The following PCBP3 variants were observed in gnomAD, a reference collection of about 807,000 sequenced individuals.
PCBP3 encodes poly(rC) binding protein 3, also known as poly(rC)-binding protein 3.
A neutral mutation model predicts 52.7 loss-of-function variants in PCBP3; 25 were observed. That is an observed-to-expected ratio of 0.47 (90% CI 0.35 to 0.66). PCBP3 has a LOEUF of 0.66. Among genes scored for constraint, PCBP3 ranks in the 30% least tolerant of loss-of-function variants. The pLI is 0.01. For missense variants in PCBP3, 391 were observed against 490.3 expected (o/e 0.80, Z 1.91); for synonymous variants, 162 against 183.0 (o/e 0.89, Z 0.93).
chr21:45,863,550 CA>C (rs1489608798), intron 5 of PCBP3, among the ~76,000 whole-genome samples: 3 of 152,256 alleles, frequency 2.0e-5, no homozygotes, highest in South Asian at 4.1e-4. Flanking sequence ...GGGAGCTGGG[CA>C]AAAAGTGGGT....
At chr21:45,825,391 C>T (rs1050723878) in intron 4 of PCBP3, among the ~76,000 whole-genome samples, 3 of 152,144 alleles carry the variant, frequency 2.0e-5, no homozygotes, top group Admixed American at 2.0e-4. Flanking sequence ...GGAGAGTGTC[C>T]CCGCCGCCGT....
At chr21:45,915,985 G>C (rs1051210691) in intron 12 of PCBP3, 1 of 152,290 alleles carries the variant, frequency 6.6e-6, no homozygotes, top group Non-Finnish European at 1.5e-5. Context: ...GAGAAATCAG[G>C]GACCTGGAAG....
chr21:45,895,604 G>T (rs1353343465), intron 5 of PCBP3, among the ~76,000 whole-genome samples: 1 of 152,266 alleles, frequency 6.6e-6, no homozygotes, highest in Non-Finnish European at 1.5e-5. Context: ...ATGGCACACA[G>T]TAGTGACACG....
intron 4 of PCBP3, among the ~76,000 whole-genome samples, chr21:45,765,959 A>T (rs1430137723): frequency 6.6e-6 from 1 of 152,210 alleles, no homozygotes; most frequent in Non-Finnish European, 1.5e-5. Flanking sequence ...TGGAAGGATG[A>T]GTGCAGTAAC....
At chr21:45,855,919 A>T (rs77681391) in intron 5 of PCBP3, among the ~76,000 whole-genome samples, 2,874 of 152,370 alleles carry the variant, frequency 0.019, 97 homozygotes, top group African/African-American at 0.066. Context: ...GTCACACCGT[A>T]CAAACCGTAA....
chr21:45,847,131 G>A (rs1001671960), intron 4 of PCBP3, among the ~76,000 whole-genome samples: 2 of 152,008 alleles, frequency 1.3e-5, no homozygotes, highest in Non-Finnish European at 2.9e-5. Context: ...TGGCATTTAG[G>A]AAGGTCTGTG....
At chr21:45,931,949 G>A (rs1382760087) in intron 15 of PCBP3, among the ~76,000 whole-genome samples, 4 of 142,520 alleles carry the variant, frequency 2.8e-5, no homozygotes, top group South Asian at 2.3e-4. Context: ...ACGAACACCC[G>A]GGCCATGCTG....
chr21:45,909,214 C>T, intron 9 of PCBP3, 141 bp from the exon 10 acceptor site: 1 of 861,764 alleles, frequency 1.2e-6, no homozygotes, highest in Non-Finnish European at 1.8e-6. Flanking sequence ...CCTGGCCTGG[C>T]CTGGCCACTT....
At chr21:45,792,718 G>A (rs9978480) in intron 4 of PCBP3, among the ~76,000 whole-genome samples, 32,622 of 152,190 alleles carry the variant, frequency 0.21, 3,689 homozygotes, top group African/African-American at 0.26. Context: ...CAGAAGACAT[G>A]CAGACAGGCC....
chr21:45,808,383 T>C (rs555202611), intron 4 of PCBP3, among the ~76,000 whole-genome samples: 2 of 152,248 alleles, frequency 1.3e-5, no homozygotes, highest in African/African-American at 4.8e-5. Context: ...GGGCAAAGGA[T>C]ATGAACAGTC....
intron 5 of PCBP3, among the ~76,000 whole-genome samples, chr21:45,873,899 G>A (rs1412988787): frequency 6.6e-6 from 1 of 152,246 alleles, no homozygotes; most frequent in Non-Finnish European, 1.5e-5. Context: ...AGGCAGCTGG[G>A]ACTACAAGCG....
intron 4 of PCBP3, among the ~76,000 whole-genome samples, chr21:45,814,624 ATGAGTGGTGAGTGGTGAG>A (rs2092792005): frequency 9.7e-6 from 1 of 103,280 alleles, no homozygotes; most frequent in Non-Finnish European, 1.9e-5. Flanking sequence ...GTGGTGAGTG[ATGAGTGGTGAGTGGTGAG>A]TGAGTGGTGA....
At chr21:45,775,594 T>G (rs1394570215) in intron 4 of PCBP3, among the ~76,000 whole-genome samples, 1 of 152,062 alleles carries the variant, frequency 6.6e-6, no homozygotes, top group Admixed American at 6.6e-5. Context: ...CTTTTTAAAT[T>G]TTTCTTTAGA....
chr21:45,842,023 A>G (rs913155727), intron 4 of PCBP3, among the ~76,000 whole-genome samples: 1 of 152,216 alleles, frequency 6.6e-6, no homozygotes, highest in Non-Finnish European at 1.5e-5. Context: ...CTCTTTCTCT[A>G]GCACTTTCAA....
intron 9 of PCBP3, among the ~76,000 whole-genome samples, chr21:45,902,334 G>C (rs773253012): frequency 8.0e-6 from 1 of 125,768 alleles, no homozygotes; most frequent in Non-Finnish European, 1.7e-5. Flanking sequence ...TGGGGCCAGT[G>C]TTCCCCTATC....
chr21:45,859,233 C>T (rs1014446), intron 5 of PCBP3, among the ~76,000 whole-genome samples: 94,937 of 150,354 alleles, frequency 0.63, 30,148 homozygotes, highest in East Asian at 0.85. Context: ...TCAGCAGGTC[C>T]CCGACCAGGA....
At chr21:45,814,963 AGTG>A (rs1372569391) in intron 4 of PCBP3, among the ~76,000 whole-genome samples, 1 of 103,064 alleles carries the variant, frequency 9.7e-6, no homozygotes. Context: ...GTGAGTGGTG[AGTG>A]GTGAGTGATG....
chr21:45,745,898 G>A (rs926752852), intron 3 of PCBP3, among the ~76,000 whole-genome samples: 5 of 152,024 alleles, frequency 3.3e-5, no homozygotes, highest in South Asian at 2.1e-4. Context: ...AGCGCCACAC[G>A]GTGTTGTGTC....
intron 16 of PCBP3, among the ~76,000 whole-genome samples, chr21:45,937,590 G>A (rs2077010937): frequency 6.6e-6 from 1 of 152,176 alleles, no homozygotes; most frequent in African/African-American, 2.4e-5. Context: ...GATTAGGAGG[G>A]GCCACATTAT....
Sources: gnomAD v4.1 joint callset for allele counts (sites outside exome capture counted in the v4.1 genomes callset) on GRCh38, gnomAD v4.1.1 for gene constraint, MANE v1.5 for transcripts, NCBI Gene and HGNC (gene_info 2026-07-23, HGNC 2026-07-21) for gene names.